KAZN: variants seen among roughly 807,000 people sequenced by gnomAD.
KAZN encodes the protein kazrin, periplakin interacting protein.
Under a neutral mutation model 87.4 loss-of-function variants are expected in KAZN, and 40 were observed. The observed-to-expected ratio is 0.46, with a 90% CI of 0.36 to 0.60. The LOEUF (loss-of-function observed/expected upper bound fraction) is 0.60, where lower values mean the gene tolerates loss of function less well. Among genes scored for constraint, KAZN ranks in the 20% least tolerant of loss-of-function variants. KAZN has a pLI of 0.00. For missense variants in KAZN, 898 were observed against 1,073.9 expected, an observed-to-expected ratio of 0.84 and a Z score of 2.29; for synonymous variants, 466 against 458.3, an observed-to-expected ratio of 1.02 and a Z score of -0.22.
At position 14,216,392 on chromosome 1, in the gene KAZN, A is replaced by G. The variant is rs576921230; in HGVS notation, c.249+35800A>G. Among the ~76,000 whole-genome samples, 22 of 152,322 alleles carry G rather than the reference A, an allele frequency of 1.4e-4. No individual in the cohort carries two copies. In the South Asian group the frequency reaches 4.4e-3, roughly 30 times the overall value. ...AAACTTCCTTCCAGGGTAGTCACTCACTGAGGACAAACTGTTGAGAGCAGG... is the reference window on the plus strand; with the variant it reads ...AAACTTCCTTCCAGGGTAGTCACTCGCTGAGGACAAACTGTTGAGAGCAGG... On this transcript the variant is annotated intron_variant, in intron 2 of 16. Transcript: ENST00000636203.
intron 2 of KAZN, among the ~76,000 whole-genome samples, chr1:15,031,081 G>A (rs1232638019): frequency 6.6e-6 from 1 of 152,222 alleles, no homozygotes; most frequent in Non-Finnish European, 1.5e-5. Flanking sequence ...TGGACGTTCA[G>A]GACAAGATGG....
intron 2 of KAZN, among the ~76,000 whole-genome samples, chr1:14,320,944 GT>G (rs1421725872): frequency 1.3e-5 from 2 of 152,118 alleles, no homozygotes; most frequent in Admixed American, 6.6e-5. Context: ...CAAGATACTA[GT>G]TTTTTAGTTA....
chr1:14,096,731 T>C (rs905691957), intron 1 of KAZN, among the ~76,000 whole-genome samples: 13 of 152,230 alleles, frequency 8.5e-5, no homozygotes, highest in African/African-American at 2.7e-4. Context: ...CTGAGACTTA[T>C]GAGCTGAGGT....
chr1:14,590,945 A>AT (rs1273001411), intron 2 of KAZN, among the ~76,000 whole-genome samples: 1 of 152,152 alleles, frequency 6.6e-6, no homozygotes, highest in African/African-American at 2.4e-5. Flanking sequence ...GAGCCTATGC[A>AT]TTGGAGCTAC....
chr1:14,716,084 A>G (rs1292564066), intron 1 of KAZN, among the ~76,000 whole-genome samples: 1 of 152,200 alleles, frequency 6.6e-6, no homozygotes, highest in Non-Finnish European at 1.5e-5. Context: ...GGTTCATTCA[A>G]GTGGGGCACT....
chr1:14,987,815 A>G (rs12567150), intron 2 of KAZN, among the ~76,000 whole-genome samples: 44,433 of 152,234 alleles, frequency 0.29, 6,805 homozygotes, highest in South Asian at 0.4. Context: ...TAGCTGCTGC[A>G]TTGAGAATAG....
chr1:14,696,979 C>T (rs1164075500), intron 1 of KAZN, among the ~76,000 whole-genome samples: 1 of 151,868 alleles, frequency 6.6e-6, no homozygotes, highest in South Asian at 2.1e-4. Context: ...TCCTGGGAGT[C>T]AACAACCCTT....
chr1:14,544,346 C>CTTTA (rs1672995998), intron 2 of KAZN, among the ~76,000 whole-genome samples: 5 of 67,152 alleles, frequency 7.4e-5, no homozygotes, highest in South Asian at 1.3e-3. Context: ...TTCTTTCTTT[C>CTTTA]TTTCTTTTTT....
At chr1:13,946,561 A>T (rs984060728) in intron 1 of KAZN, among the ~76,000 whole-genome samples, 4 of 152,188 alleles carry the variant, frequency 2.6e-5, no homozygotes, top group Non-Finnish European at 4.4e-5. Flanking sequence ...AAGTTTAAAA[A>T]TTCCCTATGA....
chr1:14,496,383 TGGG>T (rs1669942989), intron 2 of KAZN, among the ~76,000 whole-genome samples: 1 of 152,098 alleles, frequency 6.6e-6, no homozygotes. Context: ...TATGTGTTGT[TGGG>T]GGTGCTTGTG....
At chr1:14,976,503 C>T (rs1037890508) in intron 2 of KAZN, among the ~76,000 whole-genome samples, 2 of 152,202 alleles carry the variant, frequency 1.3e-5, no homozygotes, top group Admixed American at 6.5e-5. Flanking sequence ...CAGACTCAGG[C>T]CCTTCCGGCA....
At chr1:14,056,380 G>A (rs576559874) in intron 1 of KAZN, among the ~76,000 whole-genome samples, 4 of 152,328 alleles carry the variant, frequency 2.6e-5, no homozygotes, top group South Asian at 4.1e-4. Flanking sequence ...TGGAAGCAGA[G>A]CTTGGAGGGA....
At chr1:14,667,775 C>G (rs990668445) in intron 1 of KAZN, among the ~76,000 whole-genome samples, 1 of 149,914 alleles carries the variant, frequency 6.7e-6, no homozygotes, top group African/African-American at 2.5e-5. Flanking sequence ...GGCTGCAATC[C>G]AGCTTACCCT....
chr1:14,860,217 G>T (rs909013013), intron 1 of KAZN, among the ~76,000 whole-genome samples: 1 of 148,734 alleles, frequency 6.7e-6, no homozygotes, highest in Admixed American at 6.8e-5. Context: ...CTTTCAACAG[G>T]GTCTCACTCT....
intron 1 of KAZN, among the ~76,000 whole-genome samples, chr1:13,981,128 T>TATG (rs375605048): frequency 1.6e-4 from 21 of 134,358 alleles, no homozygotes; most frequent in Non-Finnish European, 2.4e-4. Context: ...TAAACACAGA[T>TATG]TATATATAGT....
At chr1:14,048,696 C>T (rs1366618338) in intron 1 of KAZN, among the ~76,000 whole-genome samples, 1 of 152,146 alleles carries the variant, frequency 6.6e-6, no homozygotes, top group East Asian at 1.9e-4. Context: ...TGAGCCACTG[C>T]GCCTGGCCTA....
chr1:13,992,894 C>A (rs1176449451), intron 1 of KAZN, among the ~76,000 whole-genome samples: 3 of 152,118 alleles, frequency 2.0e-5, no homozygotes, highest in African/African-American at 7.2e-5. Context: ...AAAACAAGAA[C>A]AATTTTTATT....
At chr1:14,408,314 T>C (rs979316398) in intron 2 of KAZN, among the ~76,000 whole-genome samples, 2 of 152,174 alleles carry the variant, frequency 1.3e-5, no homozygotes, top group African/African-American at 4.8e-5. Flanking sequence ...GTTGTGGGCA[T>C]AGGGGGAGTC....
intron 2 of KAZN, among the ~76,000 whole-genome samples, chr1:14,319,466 G>C (rs1655897826): frequency 6.6e-6 from 1 of 152,050 alleles, no homozygotes; most frequent in Non-Finnish European, 1.5e-5. Flanking sequence ...CCTACACATA[G>C]ATGTCTTTGT....
Sources: gnomAD v4.1 joint callset for allele counts (sites outside exome capture counted in the v4.1 genomes callset) on GRCh38, gnomAD v4.1.1 for gene constraint, MANE v1.5 for transcripts, NCBI Gene and HGNC (gene_info 2026-07-23, HGNC 2026-07-21) for gene names.